Variants in DYM observed in about 807,000 individuals in gnomAD.
DYM encodes the protein dymeclin.
DYM carries 78 observed loss-of-function variants against 93.1 expected under a neutral mutation model. The ratio of observed to expected loss-of-function variants is 0.84; its 90% CI spans 0.70 to 1.01. The LOEUF is 1.01. Among genes scored for constraint, DYM ranks in the 50% least tolerant of loss-of-function variants. The pLI is 0.00. For missense variants in DYM, 789 were observed against 845.0 expected, an observed-to-expected ratio of 0.93 and a Z score of 0.82; for synonymous variants, 321 against 319.7, an observed-to-expected ratio of 1.00 and a Z score of -0.04.
chr18:49,097,029 C>T (rs1484459436), intron 17 of DYM, among the ~76,000 whole-genome samples: 4 of 152,164 alleles, frequency 2.6e-5, no homozygotes, highest in Admixed American at 2.0e-4. Context: ...ACATTTAGAA[C>T]CTGTGTGGCA....
chr18:49,085,944 G>A (rs1339902193), intron 17 of DYM, among the ~76,000 whole-genome samples: 1 of 152,052 alleles, frequency 6.6e-6, no homozygotes, highest in Non-Finnish European at 1.5e-5. Context: ...TATCTTTTTA[G>A]GAAATTTTAG....
intron 13 of DYM, among the ~76,000 whole-genome samples, chr18:49,253,439 T>A (rs2094329862): frequency 6.6e-6 from 1 of 152,182 alleles, no homozygotes; most frequent in South Asian, 2.1e-4. Flanking sequence ...GGCCCCCATT[T>A]CCAGCTCAAG....
At chr18:49,353,195 T>C (rs2065259528) in intron 6 of DYM, among the ~76,000 whole-genome samples, 1 of 152,132 alleles carries the variant, frequency 6.6e-6, no homozygotes, top group South Asian at 2.1e-4. Context: ...GCTCCAATCA[T>C]GTTACAAGAT....
At chr18:49,244,189 A>G (rs866975242) in intron 13 of DYM, among the ~76,000 whole-genome samples, 11 of 152,134 alleles carry the variant, frequency 7.2e-5, no homozygotes, top group African/African-American at 2.7e-4. Flanking sequence ...TTTGCTACGT[A>G]TGACTATCTC....
chr18:49,156,732 CAAAA>C (rs1224742522), intron 15 of DYM, among the ~76,000 whole-genome samples: 2 of 63,186 alleles, frequency 3.2e-5, no homozygotes, highest in African/African-American at 5.2e-5. Flanking sequence ...AACGCTGTCT[CAAAA>C]AAAAAAAAAA....
intron 13 of DYM, among the ~76,000 whole-genome samples, chr18:49,252,240 A>AAAAAAAAAAAAAAAAAC (rs2094306402): frequency 1.3e-5 from 2 of 148,480 alleles, no homozygotes; most frequent in African/African-American, 2.5e-5. Context: ...AAAAAAAAAA[A>AAAAAAAAAAAAAAAAAC]AAGAACTGCC....
At chr18:49,257,196 G>C in intron 12 of DYM, 92 bp from the exon 13 acceptor site, 2 of 959,012 alleles carry the variant, frequency 2.1e-6, no homozygotes, top group Non-Finnish European at 3.3e-6. Flanking sequence ...TGTAAACTCA[G>C]TTGTCACTGA....
rs2092858282 is a variant in DYM at position 49,213,011 on chromosome 18, A to G, written c.1461-3296T>C. On this transcript the variant is annotated intron_variant, in intron 13 of 17. Coordinates refer to ENST00000675505, the MANE Select transcript of DYM (RefSeq NM_001353214.3). ...AAAAAACAGTCACTGTTACTTAAGA[A>G]TTACTTTCACAAAAATAAAATTTCC... Among the ~76,000 whole-genome samples the G allele has an allele frequency of 3.3e-5, 5 of 152,310 alleles. No homozygotes were observed. The South Asian group carries it at 1.0e-3, about 32-fold the overall frequency.
At chr18:49,241,274 C>G (rs1440449400) in intron 13 of DYM, among the ~76,000 whole-genome samples, 3 of 152,154 alleles carry the variant, frequency 2.0e-5, no homozygotes, top group African/African-American at 7.2e-5. Context: ...CTATCCTTTT[C>G]AGCTTTATCA....
Position 49,043,919 on chromosome 18 carries a change from A to T in DYM, c.*136T>A. On this transcript the variant is annotated 3_prime_UTR_variant, in exon 18 of 18. Transcript: ENST00000675505. ...CCAATTCTCCAAATCAAAGTGTGTG[A>T]GGAAAACACACTCGTGCAATCCTCT... 9.5e-7 allele frequency: 1 copy of T among 1,054,252 alleles called. No homozygotes were observed. The highest frequency in any genetic ancestry group is 1.4e-6 in the Non-Finnish European group (1 of 715,392). 65.3% of individuals were successfully genotyped at this position (1,054,252 alleles called of 1,614,324 possible). A position where few individuals can be genotyped will look rare whatever the true frequency, so the allele number is the denominator to read the frequency against.
At chr18:49,292,592 GAAAAA>G (rs72415237) in intron 8 of DYM, among the ~76,000 whole-genome samples, 11,035 of 78,046 alleles carry the variant, frequency 0.14, 1,304 homozygotes, top group Non-Finnish European at 0.2. Flanking sequence ...TTTCCTGTTG[GAAAAA>G]AAAAAAAAAA....
intron 17 of DYM, among the ~76,000 whole-genome samples, chr18:49,056,881 A>G (rs934728121): frequency 6.6e-6 from 1 of 152,154 alleles, no homozygotes; most frequent in Admixed American, 6.5e-5. Flanking sequence ...TTGTAAAGAC[A>G]TGTTTTTGCC....
chr18:49,208,153 A>G (rs1449252974), intron 14 of DYM, among the ~76,000 whole-genome samples: 2 of 140,164 alleles, frequency 1.4e-5, no homozygotes, highest in African/African-American at 2.8e-5. Flanking sequence ...ACTGCAGCCT[A>G]GCCTGGGTGA....
intron 13 of DYM, among the ~76,000 whole-genome samples, chr18:49,238,888 A>T (rs2093951541): frequency 6.6e-6 from 1 of 152,094 alleles, no homozygotes; most frequent in African/African-American, 2.4e-5. Context: ...TTTAAATGGC[A>T]CTTGCAAACA....
chr18:49,110,278 A>G (rs2081272021), intron 16 of DYM, among the ~76,000 whole-genome samples: 1 of 152,186 alleles, frequency 6.6e-6, no homozygotes, highest in Admixed American at 6.5e-5. Flanking sequence ...CATAAGAAAA[A>G]GCTTTTTATG....
chr18:49,281,706 A>G (rs2094983185), intron 10 of DYM, among the ~76,000 whole-genome samples: 1 of 152,216 alleles, frequency 6.6e-6, no homozygotes, highest in African/African-American at 2.4e-5. Context: ...CCCAAGGACA[A>G]AAAACCAGAC....
At chr18:49,454,900 T>C (rs2082846583) in intron 1 of DYM, among the ~76,000 whole-genome samples, 2 of 113,758 alleles carry the variant, frequency 1.8e-5, no homozygotes, top group Non-Finnish European at 1.7e-5. Flanking sequence ...AGAGCGAGAC[T>C]CTGTCTCAAA....
chr18:49,333,834 A>T lies in DYM; in HGVS notation c.514T>A (p.Ser172Thr). 1.2e-6 allele frequency: 2 copies of T among 1,611,196 alleles called. No individual in the cohort carries two copies. Among genetic ancestry groups the T allele is most frequent in the Non-Finnish European group, 1.7e-6 (2 of 1,177,782 alleles). The change falls in exon 7 of 18, where the codon TCA becomes ACA. Residue 172 changes from serine to threonine, a missense_variant. By Grantham distance (58) the Ser-to-Thr change is moderately conservative. This residue lies in a region of DYM where 450 missense variants were observed against 436.2 expected (regional missense o/e 1.03). Coordinates refer to ENST00000675505, the MANE Select transcript of DYM (RefSeq NM_001353214.3). Reference sequence around the variant, plus strand: ...ACCATTGTTGATATAGCTTCTACTGATATTTCATATGTAATATCTCTAAAA... The same window carrying T: ...ACCATTGTTGATATAGCTTCTACTGTTATTTCATATGTAATATCTCTAAAA... ...IPLLDITYEISVEAISTMVVF... is the reference protein window; with the variant it reads ...IPLLDITYEITVEAISTMVVF...
intron 14 of DYM, among the ~76,000 whole-genome samples, chr18:49,182,126 A>T (rs1332514091): frequency 2.6e-5 from 4 of 152,142 alleles, no homozygotes; most frequent in Non-Finnish European, 5.9e-5. Context: ...TCCATTATTG[A>T]TATCTATTAT....
Sources: gnomAD v4.1 joint callset for allele counts (sites outside exome capture counted in the v4.1 genomes callset) on GRCh38, gnomAD v4.1.1 for gene constraint, gnomAD v4.1.1 regional missense constraint, MANE v1.5 for transcripts, NCBI Gene and HGNC (gene_info 2026-07-23, HGNC 2026-07-21) for gene names.